Variants in STPG2 observed in about 807,000 individuals in gnomAD.
The protein encoded by STPG2 is sperm tail PG-rich repeat containing 2.
STPG2 carries 56 observed loss-of-function variants against 54.2 expected under a neutral mutation model. The observed-to-expected ratio is 1.03, with a 90% CI of 0.83 to 1.29. The LOEUF is 1.29. STPG2 is among the 50% of genes most tolerant of loss of function. The pLI is 0.00. For synonymous variants in STPG2, 200 were observed against 181.8 expected (o/e 1.10, Z -0.81); for missense variants, 596 against 544.9 (o/e 1.09, Z -0.93).
intron 10 of STPG2, among the ~76,000 whole-genome samples, chr4:97,655,915 T>C (rs1305022492): frequency 6.6e-6 from 1 of 152,158 alleles, no homozygotes; most frequent in Non-Finnish European, 1.5e-5. Context: ...CCTTTTGTTC[T>C]AAATTATTAA....
At chr4:97,635,744 A>G (rs1363457495) in intron 10 of STPG2, among the ~76,000 whole-genome samples, 1 of 152,116 alleles carries the variant, frequency 6.6e-6, no homozygotes, top group Non-Finnish European at 1.5e-5. Context: ...GAGACAAAGA[A>G]GGCCATTACA....
intron 4 of STPG2, among the ~76,000 whole-genome samples, chr4:97,482,286 GTTTTC>G (rs1014377994): frequency 1.3e-4 from 19 of 151,460 alleles, no homozygotes; most frequent in African/African-American, 4.6e-4. Flanking sequence ...TTGGTCTCTT[GTTTTC>G]TTTAATTAAT....
At chr4:97,950,317 T>C in intron 7 of STPG2, among the ~76,000 whole-genome samples, 1 of 152,126 alleles carries the variant, frequency 6.6e-6, no homozygotes, top group Non-Finnish European at 1.5e-5. Flanking sequence ...TTTATTTTTC[T>C]CTGACTGGGT....
intron 5 of STPG2, among the ~76,000 whole-genome samples, chr4:98,032,651 C>T (rs138037084): frequency 0.01 from 1,561 of 152,274 alleles, 31 homozygotes; most frequent in African/African-American, 0.036. Context: ...TTTTTCTCAG[C>T]ACCACATCGT....
intron 10 of STPG2, among the ~76,000 whole-genome samples, chr4:97,687,431 C>G (rs916167991): frequency 2.0e-5 from 3 of 151,986 alleles, no homozygotes; most frequent in African/African-American, 7.2e-5. Flanking sequence ...CCTTTGCTTC[C>G]TGGGTTCAAG....
At chr4:97,611,427 C>A (rs1235767673) in intron 10 of STPG2, among the ~76,000 whole-genome samples, 2 of 151,678 alleles carry the variant, frequency 1.3e-5, no homozygotes, top group African/African-American at 4.8e-5. Flanking sequence ...TTCCAGTAAA[C>A]AATATCTAGG....
intron 4 of STPG2, among the ~76,000 whole-genome samples, chr4:97,520,075 GA>G (rs1731150863): frequency 6.6e-6 from 1 of 152,014 alleles, no homozygotes; most frequent in South Asian, 2.1e-4. Flanking sequence ...CAAAGTGGGG[GA>G]AAAACCATAA....
At chr4:97,612,828 A>G (rs1225484039) in intron 10 of STPG2, among the ~76,000 whole-genome samples, 1 of 152,118 alleles carries the variant, frequency 6.6e-6, no homozygotes, top group Admixed American at 6.6e-5. Flanking sequence ...ATGAGGGAGC[A>G]GTACTCCAAA....
intron 8 of STPG2, among the ~76,000 whole-genome samples, chr4:97,915,166 G>A (rs527795429): frequency 6.6e-6 from 1 of 152,066 alleles, no homozygotes; most frequent in African/African-American, 2.4e-5. Context: ...GTTACTAAGG[G>A]TAACTCACTA....
At position 97,443,191 on chromosome 4, in the gene STPG2, G is replaced by A. The variant is rs546607801; in HGVS notation, c.463-255358C>T. On this transcript the variant is annotated intron_variant, in intron 4 of 4. Coordinates refer to the STPG2 transcript ENST00000522676. ...CTGAAGTGAGCCTTACATTTCCCTC[G>A]AGGAATCTTTTAGTTTCTAAATAGC... Among the ~76,000 whole-genome samples, 6 of 152,082 alleles carry A rather than the reference G, an allele frequency of 3.9e-5. No individual in the cohort carries two copies. In the South Asian group the frequency reaches 6.2e-4, roughly 16 times the overall value.
At chr4:97,453,936 T>C (rs1239125851) in intron 4 of STPG2, among the ~76,000 whole-genome samples, 2 of 152,066 alleles carry the variant, frequency 1.3e-5, no homozygotes, top group African/African-American at 2.4e-5. Flanking sequence ...AGGCTTTATG[T>C]AGAGCAGAGG....
At chr4:98,035,659 C>T (rs1037678463) in intron 5 of STPG2, among the ~76,000 whole-genome samples, 8 of 152,238 alleles carry the variant, frequency 5.3e-5, no homozygotes, top group South Asian at 2.1e-4. Flanking sequence ...ATGTTTATTG[C>T]GGCATTGTTC....
At chr4:98,101,512 GA>G (rs892174124) in intron 5 of STPG2, among the ~76,000 whole-genome samples, 2 of 150,608 alleles carry the variant, frequency 1.3e-5, no homozygotes, top group African/African-American at 4.9e-5. Context: ...TTCCCAGAAA[GA>G]AAAAAAAAGA....
chr4:97,937,784 G>A (rs1732801279), intron 8 of STPG2, among the ~76,000 whole-genome samples: 1 of 152,104 alleles, frequency 6.6e-6, no homozygotes, highest in Non-Finnish European at 1.5e-5. Context: ...GACCTCGAGG[G>A]GCACCAACCT....
chr4:98,069,340 T>C (rs930323933), intron 5 of STPG2, among the ~76,000 whole-genome samples: 21 of 152,072 alleles, frequency 1.4e-4, no homozygotes, highest in African/African-American at 4.6e-4. Context: ...TGCAAACTTT[T>C]ACGCCACAAT....
At chr4:98,031,685 C>CA (rs1416526940) in intron 5 of STPG2, among the ~76,000 whole-genome samples, 4 of 150,752 alleles carry the variant, frequency 2.7e-5, no homozygotes. Flanking sequence ...AACTCTGTCT[C>CA]AAAAAAAATA....
chr4:97,479,055 T>C (rs1035494976), intron 4 of STPG2, among the ~76,000 whole-genome samples: 1 of 151,802 alleles, frequency 6.6e-6, no homozygotes, highest in African/African-American at 2.4e-5. Context: ...TTAGATTGAT[T>C]AAATATTTAA....
chr4:97,731,557 T>G (rs1464456859), intron 9 of STPG2, among the ~76,000 whole-genome samples: 1 of 152,190 alleles, frequency 6.6e-6, no homozygotes, highest in Non-Finnish European at 1.5e-5. Context: ...CCTTCCGGTG[T>G]CTGCCCCAGA....
At chr4:97,995,661 C>G (rs540040466) in intron 5 of STPG2, among the ~76,000 whole-genome samples, 1 of 152,212 alleles carries the variant, frequency 6.6e-6, no homozygotes, top group East Asian at 1.9e-4. Flanking sequence ...ATAGAGAATA[C>G]AGATGTTGAG....
Sources: allele counts gnomAD v4.1 joint callset (sites outside exome capture counted in the v4.1 genomes callset), GRCh38; gene constraint gnomAD v4.1.1; transcripts MANE v1.5; gene names NCBI Gene and HGNC (gene_info 2026-07-23, HGNC 2026-07-21).